Variants in WDR88 observed in about 807,000 individuals in gnomAD.
The protein encoded by WDR88 is WD repeat-containing protein 88.
In WDR88, 40 loss-of-function variants were observed where a neutral mutation model predicts 46.8. That is an observed-to-expected ratio of 0.86 (90% CI 0.66 to 1.11). The LOEUF is 1.11. WDR88 is among the 50% of genes most tolerant of loss of function. The probability of loss-of-function intolerance (pLI) is 0.00; values close to 1 mark genes in which losing one functional copy is unlikely to be tolerated. For synonymous variants in WDR88, 235 were observed against 240.7 expected, an observed-to-expected ratio of 0.98 and a Z score of 0.22; for missense variants, 562 against 602.4, an observed-to-expected ratio of 0.93 and a Z score of 0.70.
Position 33,132,152 on chromosome 19 carries a change from G to A in WDR88, c.-18G>A. 1 of 1,571,388 alleles carries A rather than the reference G, an allele frequency of 6.4e-7. No individual in the cohort carries two copies. Among genetic ancestry groups the A allele is most frequent in the Non-Finnish European group, 8.6e-7 (1 of 1,162,736 alleles). The stretch of plus-strand genomic sequence containing the variant: ...CCATCCAGGCTTGTCGGCGGCCACC[G>A]GCGGACCGGGCTTCGAGATGGCCTC... On this transcript the variant is annotated 5_prime_UTR_variant, in exon 1 of 11. Coordinates refer to ENST00000355868, the MANE Select transcript of WDR88 (RefSeq NM_173479.4).
chr19:33,155,544 T>C (rs1371547110), intron 6 of WDR88, among the ~76,000 whole-genome samples: 1 of 151,802 alleles, frequency 6.6e-6, no homozygotes, highest in East Asian at 1.9e-4. Flanking sequence ...GAGTGAATAG[T>C]TGGGGTGGAG....
chr19:33,146,488 CT>C (rs1973520567), intron 3 of WDR88, among the ~76,000 whole-genome samples: 2 of 80,406 alleles, frequency 2.5e-5, no homozygotes, highest in African/African-American at 9.3e-5. Context: ...TCCTTCCTTC[CT>C]TCCTTCCCCT....
chr19:33,170,269 C>G (rs1401953734), intron 9 of WDR88, among the ~76,000 whole-genome samples: 1 of 152,026 alleles, frequency 6.6e-6, no homozygotes, highest in Non-Finnish European at 1.5e-5. Context: ...CCTGAACCTC[C>G]CGGGCTTAGG....
rs1973404254 is a variant in WDR88, at chr19:33,141,936, C to T, written c.388-2908C>T. 2.0e-5 allele frequency among the ~76,000 whole-genome samples: 3 copies of T among 152,304 alleles called. No individual in the cohort carries two copies. The South Asian group carries it at 6.2e-4, about 32-fold the overall frequency. ...CCTCAGGTGATCTGTCCGCCTTGGC[C>T]TCCCAAAGTGCTGGGATTACAGGCA... On this transcript the variant is annotated intron_variant, in intron 2 of 10. Coordinates refer to ENST00000355868, the MANE Select transcript of WDR88 (RefSeq NM_173479.4).
At chr19:33,148,940 A>G in intron 5 of WDR88, 30 bp downstream of exon 5, 1 of 1,613,352 alleles carries the variant, frequency 6.2e-7, no homozygotes, top group Non-Finnish European at 8.5e-7. Flanking sequence ...CTGTATCTTC[A>G]GTCTGCCATA....
chr19:33,157,577 ATATATATG>A (rs1973766796), intron 7 of WDR88, among the ~76,000 whole-genome samples: 1 of 143,442 alleles, frequency 7.0e-6, no homozygotes, highest in African/African-American at 2.6e-5. Context: ...ATATATGTGT[ATATATATG>A]TATATATGTG....
chr19:33,174,600 C>T (rs1196448224), intron 10 of WDR88: 3 of 984,124 alleles, frequency 3.0e-6, no homozygotes, highest in Non-Finnish European at 3.6e-6. Flanking sequence ...CTAGCACCTG[C>T]ATCAATCTGC....
chr19:33,157,362 G>T (rs1973755539), intron 7 of WDR88, among the ~76,000 whole-genome samples: 1 of 151,324 alleles, frequency 6.6e-6, no homozygotes. Context: ...GCCAGGTGTG[G>T]TGGTGGATGC....
chr19:33,145,701 A>AT (rs1174258898), intron 3 of WDR88, among the ~76,000 whole-genome samples: 2 of 151,620 alleles, frequency 1.3e-5, no homozygotes, highest in Admixed American at 6.6e-5. Context: ...CAGCTGGCTA[A>AT]TTTTTTTATT....
At chr19:33,167,486 T>C (rs1973971715) in intron 9 of WDR88, among the ~76,000 whole-genome samples, 1 of 152,056 alleles carries the variant, frequency 6.6e-6, no homozygotes. Context: ...GACTAAAATT[T>C]TTCTTCCCTA....
intron 6 of WDR88, among the ~76,000 whole-genome samples, chr19:33,154,838 A>T (rs1973703515): frequency 6.6e-6 from 1 of 152,120 alleles, no homozygotes; most frequent in South Asian, 2.1e-4. Context: ...TTTATCCCGG[A>T]TGGCCCTGCG....
At chr19:33,162,338 C>T (rs1332822908) in intron 8 of WDR88, among the ~76,000 whole-genome samples, 1 of 151,956 alleles carries the variant, frequency 6.6e-6, no homozygotes, top group Non-Finnish European at 1.5e-5. Context: ...GTAGCTGGGA[C>T]TACAGGTGCC....
intron 10 of WDR88, chr19:33,175,021 G>A (rs891749185): frequency 5.9e-5 from 58 of 984,646 alleles, no homozygotes; most frequent in Middle Eastern, 5.2e-4. Flanking sequence ...GATCACTTGA[G>A]GCCAGGAGTT....
At chr19:33,144,176 C>A (rs1973461803) in intron 2 of WDR88, among the ~76,000 whole-genome samples, 1 of 152,080 alleles carries the variant, frequency 6.6e-6, no homozygotes. Context: ...CGTGCAGGGG[C>A]CTGGATCCCA....
At chr19:33,134,551 C>T (rs1191304478) in intron 1 of WDR88, among the ~76,000 whole-genome samples, 1 of 152,050 alleles carries the variant, frequency 6.6e-6, no homozygotes, top group East Asian at 1.9e-4. Flanking sequence ...ATAACCCAAA[C>T]CCTGCAGGGG....
In WDR88 at chr19:33,147,655, G is replaced by A. The variant is rs370627703; in HGVS notation, c.487G>A (p.Ala163Thr). Reference protein sequence around the residue: ...ITGDSSRVIAASYDKTVRAWD... With the variant: ...ITGDSSRVIATSYDKTVRAWD... Reference sequence around the variant, plus strand: ...TCATCTTATTTCCAGAGTCATTGCCGCATCCTATGATAAGACAGTGAGGGC... The same window carrying A: ...TCATCTTATTTCCAGAGTCATTGCCACATCCTATGATAAGACAGTGAGGGC... The change falls in exon 4 of 11, where the codon GCA (alanine) becomes ACA (threonine). Residue 163 changes from alanine to threonine, a missense_variant. By Grantham distance (58) the Ala-to-Thr change is moderately conservative. Transcript: ENST00000355868. 10 of 1,613,674 alleles carry A rather than the reference G, an allele frequency of 6.2e-6. No individual in the cohort carries two copies. Among genetic ancestry groups the A allele is most frequent in the East Asian group, 4.5e-5 (2 of 44,842 alleles).
Position 33,175,436 on chromosome 19 carries a change from A to C in WDR88, c.1283A>C (p.Asp428Ala). ...CDRPFSIFKS[D>A]TSSEMFTQCV... ...AGGCCTTTCTCCATCTTCAAGAGTG[A>C]CACCTCTTCTGAAATGTTCACCCAA... is the stretch of plus-strand genomic sequence containing the variant. The change falls in exon 11 of 11, where the codon GAC (aspartate) becomes GCC (alanine). Residue 428 changes from aspartate (D) to alanine (A), a missense_variant. Asp to Ala is a moderately radical substitution (Grantham distance 126). Transcript: ENST00000355868. The C allele has an allele frequency of 6.2e-7, 1 of 1,614,170 alleles. No individual in the cohort carries two copies. The highest frequency in any genetic ancestry group is 1.3e-5 in the African/African-American group (1 of 75,054).
chr19:33,160,061 A>G (rs1338031763), intron 7 of WDR88, among the ~76,000 whole-genome samples: 2 of 152,130 alleles, frequency 1.3e-5, no homozygotes, highest in African/African-American at 4.8e-5. Context: ...ATCTGACAGG[A>G]GGCCGAGCTC....
chr19:33,140,040 G>C (rs1198120178), intron 2 of WDR88, among the ~76,000 whole-genome samples: 1 of 152,188 alleles, frequency 6.6e-6, no homozygotes, highest in East Asian at 1.9e-4. Flanking sequence ...CTCCGTAGCT[G>C]TCCTTATGGA....
Sources: gnomAD v4.1 joint callset for allele counts (sites outside exome capture counted in the v4.1 genomes callset) on GRCh38, gnomAD v4.1.1 for gene constraint, MANE v1.5 for transcripts, NCBI Gene and HGNC (gene_info 2026-07-23, HGNC 2026-07-21) for gene names.